The following TMEM132B variants were observed in gnomAD, a reference collection of about 807,000 sequenced individuals.
The protein encoded by TMEM132B is transmembrane protein 132B.
Under a neutral mutation model 90.8 loss-of-function variants are expected in TMEM132B, and 18 were observed. That is an observed-to-expected ratio of 0.20 (90% CI 0.14 to 0.29). The LOEUF is 0.29. Ranked by LOEUF, TMEM132B falls within the 10% of genes least tolerant of loss-of-function variation. The pLI, the probability that TMEM132B is intolerant of heterozygous loss-of-function variation, is 1.00. For missense variants in TMEM132B, 1,096 were observed against 1,326.8 expected (o/e 0.83, Z 2.70); for synonymous variants, 504 against 523.3 (o/e 0.96, Z 0.50).
rs140905055 is a variant in TMEM132B at position 125,205,883 on chromosome 12, G to A, written c.67+19017G>A. On this transcript the variant is annotated intron_variant, in intron 1 of 8. Transcript: ENST00000682704. ...GGAACGTCAAAGGATTTGTAGACAC[G>A]CTTTCAAGCCATCGCAAATTATTTG... Among the ~76,000 whole-genome samples, 459 of 152,354 alleles carry A rather than the reference G, an allele frequency of 3.0e-3. 3 individuals are homozygous for A. Among genetic ancestry groups the A allele is most frequent in the African/African-American group, 0.01 (430 of 41,572 alleles).
intron 3 of TMEM132B, among the ~76,000 whole-genome samples, chr12:125,502,926 G>A (rs578061278): frequency 5.9e-5 from 9 of 152,080 alleles, no homozygotes; most frequent in African/African-American, 2.2e-4. Flanking sequence ...TATGTTTCCT[G>A]GCTTCTTTTT....
At chr12:125,382,375 A>G (rs1170446896) in intron 2 of TMEM132B, among the ~76,000 whole-genome samples, 3 of 152,338 alleles carry the variant, frequency 2.0e-5, no homozygotes, top group African/African-American at 7.2e-5. Context: ...CCTAGGATAC[A>G]GAATGATGAT....
At chr12:125,313,045 T>A (rs1311793062) in intron 1 of TMEM132B, among the ~76,000 whole-genome samples, 1 of 152,128 alleles carries the variant, frequency 6.6e-6, no homozygotes, top group East Asian at 1.9e-4. Context: ...ACCCCTCGTG[T>A]GAGCTGGGAG....
intron 1 of TMEM132B, among the ~76,000 whole-genome samples, chr12:125,205,330 G>C (rs1040685125): frequency 6.6e-6 from 1 of 151,694 alleles, no homozygotes; most frequent in African/African-American, 2.4e-5. Flanking sequence ...AGCCCTTTAT[G>C]TGGAGCATCT....
intron 2 of TMEM132B, among the ~76,000 whole-genome samples, chr12:125,387,910 G>A (rs1033237939): frequency 1.3e-5 from 2 of 152,156 alleles, no homozygotes; most frequent in African/African-American, 2.4e-5. Context: ...AAAAGTCTTC[G>A]GGGGTCAGTA....
At chr12:125,293,530 A>G (rs1345289704) in intron 1 of TMEM132B, among the ~76,000 whole-genome samples, 1 of 152,176 alleles carries the variant, frequency 6.6e-6, no homozygotes, top group East Asian at 1.9e-4. Flanking sequence ...GCTCCCACTT[A>G]TAAGTGAAAA....
intron 1 of TMEM132B, among the ~76,000 whole-genome samples, chr12:125,297,742 T>A (rs567236429): frequency 1.1e-4 from 16 of 152,112 alleles, no homozygotes; most frequent in Non-Finnish European, 1.5e-4. Context: ...TGGAGGAACA[T>A]GAGCCCTGGG....
rs151025347 is a variant in TMEM132B at position 125,639,193 on chromosome 12, C to T, written c.1438-4883C>T. Reference sequence around the variant, plus strand: ...CTGCCAATAAAACACACATGTACCTCACACATAGAGATCTTAATTCTGAGT... The same window carrying T: ...CTGCCAATAAAACACACATGTACCTTACACATAGAGATCTTAATTCTGAGT... On this transcript the variant is annotated intron_variant, in intron 5 of 8. Coordinates refer to ENST00000682704, the MANE Select transcript of TMEM132B (RefSeq NM_001366854.1). Among the ~76,000 whole-genome samples the T allele has an allele frequency of 3.5e-4, 53 of 152,354 alleles. 1 individual carries two copies. The highest frequency in any genetic ancestry group is 1.3e-3 in the African/African-American group (52 of 41,580).
At chr12:125,465,440 A>C (rs1318649780) in intron 3 of TMEM132B, among the ~76,000 whole-genome samples, 1 of 152,240 alleles carries the variant, frequency 6.6e-6, no homozygotes, top group East Asian at 1.9e-4. Context: ...TTATTAATGC[A>C]TTATGACTTT....
At position 125,460,278 on chromosome 12, in the gene TMEM132B, G is replaced by A. The variant is rs892173767; in HGVS notation, c.1106+44601G>A. The stretch of plus-strand genomic sequence containing the variant: ...GGCCGAGGTGGGTGGATCACCTGAG[G>A]TCAGGAGTTTGAGACCAGCCTGCCC... On this transcript the variant is annotated intron_variant, in intron 3 of 8. Transcript: ENST00000682704. This position sits in a 1 kb window ranked among gnomAD's most constrained non-coding sequence, Gnocchi z 4.4. Among the ~76,000 whole-genome samples the A allele has an allele frequency of 1.2e-4, 18 of 152,240 alleles. No homozygotes were observed. The highest frequency in any genetic ancestry group is 2.4e-4 in the Non-Finnish European group (16 of 68,012).
At chr12:125,612,205 G>T (rs1885848068) in intron 5 of TMEM132B, among the ~76,000 whole-genome samples, 1 of 152,062 alleles carries the variant, frequency 6.6e-6, no homozygotes, top group Non-Finnish European at 1.5e-5. Flanking sequence ...GCCAGGCACG[G>T]TGGCTCACGC....
intron 1 of TMEM132B, among the ~76,000 whole-genome samples, chr12:125,247,430 T>A (rs976282274): frequency 6.6e-6 from 1 of 152,228 alleles, no homozygotes; most frequent in African/African-American, 2.4e-5. Flanking sequence ...TGATGCGACA[T>A]GAACCCATCT....
intron 3 of TMEM132B, among the ~76,000 whole-genome samples, chr12:125,417,581 G>A (rs922232756): frequency 2.0e-5 from 3 of 152,200 alleles, no homozygotes; most frequent in Non-Finnish European, 4.4e-5. Flanking sequence ...TGGTTGCTGA[G>A]CTTATCAGGT....
rs1887096097 is a variant in TMEM132B, at chr12:125,657,547, C to G, written c.*2837C>G. ...TATAGCACCTTGTTTTCCAGCTAGT[C>G]AATATACAACTATTAGGTGCTGTGC... On this transcript the variant is annotated 3_prime_UTR_variant, in exon 9 of 9. Transcript: ENST00000682704. The G allele has an allele frequency of 6.6e-6, 1 of 152,098 alleles. No individual in the cohort carries two copies. Among genetic ancestry groups the G allele is most frequent in the Non-Finnish European group, 1.5e-5 (1 of 68,016 alleles). 9.4% of individuals were successfully genotyped at this position (152,098 alleles called of 1,614,324 possible).
intron 1 of TMEM132B, among the ~76,000 whole-genome samples, chr12:125,298,267 A>AGATTCGGCATCTGG (rs1875720366): frequency 6.6e-6 from 1 of 151,778 alleles, no homozygotes; most frequent in Admixed American, 6.6e-5. Context: ...CAACAAAACA[A>AGATTCGGCATCTGG]AACAAAATGA....
At chr12:125,520,511 T>C (rs1322608792) in intron 4 of TMEM132B, among the ~76,000 whole-genome samples, 1 of 150,094 alleles carries the variant, frequency 6.7e-6, no homozygotes, top group East Asian at 2.0e-4. Flanking sequence ...GAATCTCGAG[T>C]GTCTCAAGTG....
At chr12:125,244,459 C>T (rs1874162621) in intron 1 of TMEM132B, among the ~76,000 whole-genome samples, 1 of 152,206 alleles carries the variant, frequency 6.6e-6, no homozygotes, top group Non-Finnish European at 1.5e-5. Context: ...CAGCTTCCGG[C>T]CTGGGGACCC....
chr12:125,249,045 G>C (rs1384996744), intron 1 of TMEM132B, among the ~76,000 whole-genome samples: 2 of 152,176 alleles, frequency 1.3e-5, no homozygotes, highest in Non-Finnish European at 2.9e-5. Flanking sequence ...TGGAGTGGGG[G>C]AGGGCTTCAC....
At position 125,460,302 on chromosome 12, in the gene TMEM132B, C is replaced by T. The variant is rs562674746; in HGVS notation, c.1106+44625C>T. ...GGTCAGGAGTTTGAGACCAGCCTGC[C>T]CAACATGGTGAAACCCCATCTCTAC... On this transcript the variant is annotated intron_variant, in intron 3 of 8. Transcript: ENST00000682704. This position sits in a 1 kb window ranked among gnomAD's most constrained non-coding sequence, Gnocchi z 4.4. Among the ~76,000 whole-genome samples the T allele has an allele frequency of 1.3e-4, 19 of 151,992 alleles. No homozygotes were observed. Among genetic ancestry groups the T allele is most frequent in the Non-Finnish European group, 2.4e-4 (16 of 68,008 alleles).
Sources: gnomAD v4.1 joint callset for allele counts (sites outside exome capture counted in the v4.1 genomes callset) on GRCh38, gnomAD v4.1.1 for gene constraint, Gnocchi (gnomAD v3.1) non-coding constraint, MANE v1.5 for transcripts, NCBI Gene and HGNC (gene_info 2026-07-23, HGNC 2026-07-21) for gene names.